GRIK1: variants seen among roughly 807,000 people sequenced by gnomAD.
GRIK1 encodes the protein glutamate receptor ionotropic, kainate 1.
GRIK1 carries 69 observed loss-of-function variants against 105.7 expected under a neutral mutation model. The ratio of observed to expected loss-of-function variants is 0.65; its 90% CI spans 0.54 to 0.80. GRIK1 has a LOEUF of 0.80. GRIK1 is among the 30% of genes least tolerant of loss of function. The pLI is 0.00. For synonymous variants in GRIK1, 438 were observed against 431.3 expected (o/e 1.02, Z -0.19); for missense variants, 1,109 against 1,167.3 (o/e 0.95, Z 0.73).
chr21:29,607,415 C>G (rs540343283), intron 7 of GRIK1, among the ~76,000 whole-genome samples: 26 of 150,434 alleles, frequency 1.7e-4, no homozygotes, highest in African/African-American at 6.4e-4. Context: ...AAAAAAAAAG[C>G]CTTTTCACCT....
At chr21:29,720,003 T>G (rs2064280574) in intron 1 of GRIK1, among the ~76,000 whole-genome samples, 1 of 152,266 alleles carries the variant, frequency 6.6e-6, no homozygotes, top group African/African-American at 2.4e-5. Flanking sequence ...AAAATACTTT[T>G]AAGTAGGAAA....
chr21:29,756,964 A>G (rs1232846420), intron 1 of GRIK1, among the ~76,000 whole-genome samples: 1 of 151,934 alleles, frequency 6.6e-6, no homozygotes, highest in Non-Finnish European at 1.5e-5. Flanking sequence ...AAACATACAA[A>G]AAATTAGCTG....
chr21:29,897,306 C>G (rs576727883), intron 1 of GRIK1, among the ~76,000 whole-genome samples: 19 of 152,290 alleles, frequency 1.2e-4, no homozygotes, highest in African/African-American at 4.3e-4. Context: ...TTGATCCTGA[C>G]AGTAAAGCAT....
rs1018611098 is a variant in GRIK1, at chr21:29,939,665, G to A, written c.-165C>T. ...CTCGAGGGAACCCGCGTGGGACCGC[G>A]GAGCTGGCTGGCAAGGCTGAGCTCT... On this transcript the variant is annotated 5_prime_UTR_variant, in exon 1 of 18. Coordinates refer to ENST00000327783, the MANE Select transcript of GRIK1 (RefSeq NM_001330994.2). 1.3e-5 allele frequency: 7 copies of A among 526,904 alleles called. No homozygotes were observed. Among genetic ancestry groups the A allele is most frequent in the Non-Finnish European group, 1.7e-5 (5 of 301,966 alleles). The allele number at this position is 526,904 out of a possible 1,614,324, so 32.6% of individuals were successfully genotyped here.
intron 7 of GRIK1, among the ~76,000 whole-genome samples, chr21:29,641,933 C>G (rs1480591006): frequency 6.6e-6 from 1 of 152,186 alleles, no homozygotes; most frequent in Admixed American, 6.5e-5. Flanking sequence ...TGTGCCCTCC[C>G]TCTTCTTTAC....
chr21:29,931,587 C>G (rs1429543260), intron 1 of GRIK1, among the ~76,000 whole-genome samples: 1 of 152,138 alleles, frequency 6.6e-6, no homozygotes, highest in African/African-American at 2.4e-5. Context: ...TATCAGTATG[C>G]ACTCATGGGA....
chr21:29,559,663 T>C (rs2090344244), intron 15 of GRIK1, among the ~76,000 whole-genome samples: 1 of 152,250 alleles, frequency 6.6e-6, no homozygotes, highest in Non-Finnish European at 1.5e-5. Context: ...TGGCTGTGTA[T>C]TCATGGTAAA....
At chr21:29,640,773 T>C (rs1401057385) in intron 7 of GRIK1, among the ~76,000 whole-genome samples, 1 of 152,190 alleles carries the variant, frequency 6.6e-6, no homozygotes, top group Non-Finnish European at 1.5e-5. Context: ...TGTTTTCTTG[T>C]TAAAGATCAA....
chr21:29,633,561 A>C (rs1009997034), intron 7 of GRIK1, among the ~76,000 whole-genome samples: 1 of 152,106 alleles, frequency 6.6e-6, no homozygotes, highest in Admixed American at 6.5e-5. Context: ...TAAATTAGCC[A>C]GTCTCAGGTG....
chr21:29,583,357 C>T (rs577594593), intron 12 of GRIK1, among the ~76,000 whole-genome samples: 1 of 152,100 alleles, frequency 6.6e-6, no homozygotes, highest in South Asian at 2.1e-4. Flanking sequence ...GTAAAGATCC[C>T]GTTACTTAAA....
At chr21:29,587,713 ATGGT>A in intron 11 of GRIK1, 124 bp from the exon 12 acceptor site, 6 of 599,850 alleles carry the variant, frequency 1.0e-5, no homozygotes, top group South Asian at 2.1e-5. Flanking sequence ...AGCTCCTGTG[ATGGT>A]TGGTTCTAAT....
chr21:29,647,093 C>T (rs762589434), intron 6 of GRIK1, among the ~76,000 whole-genome samples: 8 of 152,194 alleles, frequency 5.3e-5, no homozygotes, highest in Non-Finnish European at 8.8e-5. Context: ...ATCTGCCTGG[C>T]TCGGCTTCCC....
intron 1 of GRIK1, among the ~76,000 whole-genome samples, chr21:29,910,313 T>A (rs2146290948): frequency 6.6e-6 from 1 of 152,250 alleles, no homozygotes; most frequent in African/African-American, 2.4e-5. Flanking sequence ...TGCCCTTAGT[T>A]TTGTCTAAAC....
At chr21:29,709,355 A>G (rs2063991162) in intron 1 of GRIK1, among the ~76,000 whole-genome samples, 2 of 144,466 alleles carry the variant, frequency 1.4e-5, no homozygotes, top group South Asian at 4.3e-4. Flanking sequence ...ATCTCAACTC[A>G]CTGAAACCTC....
At chr21:29,572,296 G>A (rs1045318756) in intron 14 of GRIK1, among the ~76,000 whole-genome samples, 1 of 152,104 alleles carries the variant, frequency 6.6e-6, no homozygotes, top group African/African-American at 2.4e-5. Context: ...TTCTCCTTCT[G>A]CAAATACATT....
At chr21:29,661,273 A>G (rs1337076136) in intron 4 of GRIK1, among the ~76,000 whole-genome samples, 5 of 152,248 alleles carry the variant, frequency 3.3e-5, no homozygotes, top group African/African-American at 9.6e-5. Flanking sequence ...GGACCAAATA[A>G]TGGTTCTCTA....
chr21:29,755,342 C>T (rs2065309651), intron 1 of GRIK1, among the ~76,000 whole-genome samples: 1 of 152,168 alleles, frequency 6.6e-6, no homozygotes, highest in Non-Finnish European at 1.5e-5. Context: ...AAAGGGAGAA[C>T]TTAGGGATGA....
At chr21:29,890,653 A>G (rs1195741938) in intron 1 of GRIK1, among the ~76,000 whole-genome samples, 1 of 152,166 alleles carries the variant, frequency 6.6e-6, no homozygotes, top group Non-Finnish European at 1.5e-5. Flanking sequence ...CAGAATTAAG[A>G]CTTCAGTATT....
intron 1 of GRIK1, among the ~76,000 whole-genome samples, chr21:29,764,268 C>G (rs1187634213): frequency 6.6e-6 from 1 of 152,168 alleles, no homozygotes; most frequent in Non-Finnish European, 1.5e-5. Context: ...TTAAATACTA[C>G]TTTCAGTTTA....
Sources: gnomAD v4.1 joint callset for allele counts (sites outside exome capture counted in the v4.1 genomes callset) on GRCh38, gnomAD v4.1.1 for gene constraint, MANE v1.5 for transcripts, NCBI Gene and HGNC (gene_info 2026-07-23, HGNC 2026-07-21) for gene names.